ACTL8: variants seen among roughly 807,000 people sequenced by gnomAD.
ACTL8 encodes actin like 8, also known as actin-like protein 8.
Under a neutral mutation model 9.3 loss-of-function variants are expected in ACTL8, and 3 were observed. The ratio of observed to expected loss-of-function variants is 0.32; its 90% CI spans 0.15 to 0.83. The LOEUF (loss-of-function observed/expected upper bound fraction) is 0.83, where lower values mean the gene tolerates loss of function less well. ACTL8 is among the 40% of genes least tolerant of loss of function. The pLI, the probability that ACTL8 is intolerant of heterozygous loss-of-function variation, is 0.57. For missense variants in ACTL8, 381 were observed against 492.2 expected, an observed-to-expected ratio of 0.77 and a Z score of 2.14; for synonymous variants, 224 against 205.9, an observed-to-expected ratio of 1.09 and a Z score of -0.75.
chr1:17,788,829 G>A (rs138649139), intron 1 of ACTL8, among the ~76,000 whole-genome samples: 3 of 152,356 alleles, frequency 2.0e-5, no homozygotes, highest in African/African-American at 7.2e-5. Context: ...TTGGGGAGAG[G>A]AGAGTTGGAC....
intron 1 of ACTL8, among the ~76,000 whole-genome samples, chr1:17,806,980 T>C (rs2066363941): frequency 6.6e-6 from 1 of 152,194 alleles, no homozygotes; most frequent in East Asian, 1.9e-4. Context: ...GAAATATCCA[T>C]GTCTTTGCCG....
chr1:17,767,178 C>A lies in ACTL8; in HGVS notation c.-25+11674C>A, dbSNP rs982952095. On this transcript the variant is annotated intron_variant, in intron 1 of 2. Coordinates refer to ENST00000375406, the MANE Select transcript of ACTL8 (RefSeq NM_030812.3). This position sits in a 1 kb window ranked among gnomAD's most constrained non-coding sequence, Gnocchi z 4.7. ...AGGGGTTCCAGGCAGAGAGCAGCGTCTGCAAAGGCCCTGCGGTGGGACTGT... is the reference window on the plus strand; with the variant it reads ...AGGGGTTCCAGGCAGAGAGCAGCGTATGCAAAGGCCCTGCGGTGGGACTGT... 6.6e-6 allele frequency among the ~76,000 whole-genome samples: 1 copy of A among 152,134 alleles called. No homozygotes were observed. The highest frequency in any genetic ancestry group is 2.4e-5 in the African/African-American group (1 of 41,426).
chr1:17,798,152 A>C (rs532782717), intron 1 of ACTL8, among the ~76,000 whole-genome samples: 1 of 99,974 alleles, frequency 1.0e-5, no homozygotes, highest in Non-Finnish European at 1.9e-5. Flanking sequence ...GGCAGAGGTC[A>C]TATGGGTCTG....
chr1:17,794,810 T>C (rs921367236), intron 1 of ACTL8, among the ~76,000 whole-genome samples: 1 of 152,232 alleles, frequency 6.6e-6, no homozygotes, highest in African/African-American at 2.4e-5. Context: ...TGTCCAGTTC[T>C]TATTCCTTAA....
intron 1 of ACTL8, among the ~76,000 whole-genome samples, chr1:17,776,598 C>T (rs1235245823): frequency 6.6e-6 from 1 of 152,174 alleles, no homozygotes; most frequent in Admixed American, 6.5e-5. Context: ...TCCCTTCTTC[C>T]TGCCATATGT....
Position 17,826,866 on chromosome 1 carries a change from G to T in ACTL8, c.*347G>T, listed in dbSNP as rs962743434. The stretch of plus-strand genomic sequence containing the variant: ...GGTTTGTCTCATTCTTCTTGGTTGA[G>T]TAGGTTTTAACTGGGGTAGCACTCC... On this transcript the variant is annotated 3_prime_UTR_variant, in exon 3 of 3. Transcript: ENST00000375406. The surrounding 1 kb of genome is among the most constrained non-coding windows in gnomAD (Gnocchi z 4.5). 19 of 175,932 alleles carry T rather than the reference G, an allele frequency of 1.1e-4. No individual in the cohort carries two copies. Among genetic ancestry groups the T allele is most frequent in the African/African-American group, 4.5e-4 (19 of 42,346 alleles). 10.9% of individuals were successfully genotyped at this position (175,932 alleles called of 1,614,324 possible).
intron 1 of ACTL8, among the ~76,000 whole-genome samples, chr1:17,799,094 G>A (rs1426972335): frequency 1.3e-5 from 2 of 152,158 alleles, no homozygotes; most frequent in East Asian, 3.9e-4. Context: ...GAATGCCCTT[G>A]TAGAGTCCCA....
chr1:17,817,362 A>G (rs920327140), intron 1 of ACTL8, among the ~76,000 whole-genome samples: 1 of 152,034 alleles, frequency 6.6e-6, no homozygotes, highest in African/African-American at 2.4e-5. Flanking sequence ...TCTTGAATCA[A>G]CCTTTTCAAG....
intron 1 of ACTL8, among the ~76,000 whole-genome samples, chr1:17,765,117 C>G (rs1466313130): frequency 1.3e-5 from 2 of 152,180 alleles, no homozygotes; most frequent in East Asian, 3.9e-4. Flanking sequence ...GTGCTGGACG[C>G]TTCCTTCTTT....
chr1:17,771,460 T>G (rs1008574697), intron 1 of ACTL8, among the ~76,000 whole-genome samples: 1 of 152,232 alleles, frequency 6.6e-6, no homozygotes, highest in East Asian at 1.9e-4. Flanking sequence ...TGATATTACC[T>G]TGATCTTTAT....
chr1:17,814,156 G>C (rs948481671), intron 1 of ACTL8, among the ~76,000 whole-genome samples: 6 of 152,172 alleles, frequency 3.9e-5, no homozygotes, highest in African/African-American at 9.7e-5. Context: ...GGTCCCATAA[G>C]ATTATAATAT....
intron 1 of ACTL8, among the ~76,000 whole-genome samples, chr1:17,797,307 T>C (rs1428127192): frequency 6.6e-6 from 1 of 152,142 alleles, no homozygotes; most frequent in Non-Finnish European, 1.5e-5. Context: ...ACTTGATGCA[T>C]GGTAGCTATT....
chr1:17,826,571 A>T lies in ACTL8; in HGVS notation c.*52A>T. ...GCTCCTGTTAGATGGGCACGGGCGGATTAATTTTAGCAAAATGTTCTGGGT... is the reference window on the plus strand; with the variant it reads ...GCTCCTGTTAGATGGGCACGGGCGGTTTAATTTTAGCAAAATGTTCTGGGT... On this transcript the variant is annotated 3_prime_UTR_variant, in exon 3 of 3. Coordinates refer to ENST00000375406, the MANE Select transcript of ACTL8 (RefSeq NM_030812.3). The surrounding 1 kb of genome is among the most constrained non-coding windows in gnomAD (Gnocchi z 4.5). 6.9e-7 allele frequency: 1 copy of T among 1,453,766 alleles called. No individual in the cohort carries two copies. The highest frequency in any genetic ancestry group is 9.1e-7 in the Non-Finnish European group (1 of 1,094,448). The allele number at this position is 1,453,766 out of a possible 1,614,324, so 90.1% of individuals were successfully genotyped here.
Position 17,826,225 on chromosome 1 carries a change from G to C in ACTL8, c.807G>C (p.Gly269=), listed in dbSNP as rs970469065. 7 of 1,613,382 alleles carry C rather than the reference G, an allele frequency of 4.3e-6. No homozygotes were observed. Among genetic ancestry groups the C allele is most frequent in the Non-Finnish European group, 5.9e-6 (7 of 1,179,902 alleles). ...FFSPQVFEQP[G]PSIPRAIVES... ...GCCCGCAGGTGTTCGAGCAGCCGGG[G>C]CCCAGCATCCCACGGGCCATTGTGG... The change falls in exon 3 of 3, where the codon GGG becomes GGC. Residue 269 remains glycine, a synonymous_variant. Coordinates refer to ENST00000375406, the MANE Select transcript of ACTL8 (RefSeq NM_030812.3). This position sits in a 1 kb window ranked among gnomAD's most constrained non-coding sequence, Gnocchi z 4.5.
At chr1:17,821,362 C>T (rs766349749) in intron 1 of ACTL8, among the ~76,000 whole-genome samples, 3 of 152,140 alleles carry the variant, frequency 2.0e-5, no homozygotes, top group Non-Finnish European at 4.4e-5. Context: ...GTGGTTTCTC[C>T]TAGGTGTTCT....
At chr1:17,801,861 G>A (rs954444325) in intron 1 of ACTL8, among the ~76,000 whole-genome samples, 5 of 152,156 alleles carry the variant, frequency 3.3e-5, no homozygotes, top group Non-Finnish European at 7.3e-5. Flanking sequence ...TTAGCATTCG[G>A]TGTCCATCTA....
intron 1 of ACTL8, among the ~76,000 whole-genome samples, chr1:17,768,238 C>A (rs1415058910): frequency 2.0e-5 from 2 of 101,456 alleles, no homozygotes; most frequent in African/African-American, 5.7e-5. Context: ...GGGACCCCAC[C>A]AGGATGGGTG....
At chr1:17,779,536 G>C (rs1004645147) in intron 1 of ACTL8, among the ~76,000 whole-genome samples, 12 of 152,188 alleles carry the variant, frequency 7.9e-5, no homozygotes, top group African/African-American at 2.2e-4. Flanking sequence ...TAATAAATAT[G>C]TCCTGAAATC....
At chr1:17,825,689 G>A in intron 2 of ACTL8, 78 bp from the exon 3 acceptor site, 2 of 1,530,574 alleles carry the variant, frequency 1.3e-6, no homozygotes, top group African/African-American at 1.4e-5. Context: ...CCCGAGGATG[G>A]GGCTCTGTGC....
Sources: allele counts gnomAD v4.1 joint callset (sites outside exome capture counted in the v4.1 genomes callset), GRCh38; gene constraint gnomAD v4.1.1; non-coding constraint Gnocchi (gnomAD v3.1); transcripts MANE v1.5; gene names NCBI Gene and HGNC (gene_info 2026-07-23, HGNC 2026-07-21).